Variants in SPIDR observed in about 807,000 individuals in gnomAD.
SPIDR encodes scaffold protein involved in DNA repair, also known as DNA repair-scaffolding protein.
In SPIDR, 93 loss-of-function variants were observed where a neutral mutation model predicts 104.6. The ratio of observed to expected loss-of-function variants is 0.89; its 90% CI spans 0.75 to 1.06. The LOEUF (loss-of-function observed/expected upper bound fraction) is 1.06, where lower values mean the gene tolerates loss of function less well. Among genes scored for constraint, SPIDR ranks in the 50% least tolerant of loss-of-function variants. The probability of loss-of-function intolerance (pLI) is 0.00; values close to 1 mark genes in which losing one functional copy is unlikely to be tolerated. For synonymous variants in SPIDR, 431 were observed against 416.9 expected (o/e 1.03, Z -0.41); for missense variants, 1,154 against 1,111.2 (o/e 1.04, Z -0.55).
chr8:47,374,111 G>A (rs1472857188), intron 5 of SPIDR, among the ~76,000 whole-genome samples: 1 of 152,184 alleles, frequency 6.6e-6, no homozygotes, highest in Non-Finnish European at 1.5e-5. Context: ...TTAAAAGCTA[G>A]GATTAGGGAC....
At chr8:47,436,933 G>C (rs1470557453) in intron 7 of SPIDR, among the ~76,000 whole-genome samples, 1 of 152,080 alleles carries the variant, frequency 6.6e-6, no homozygotes, top group African/African-American at 2.4e-5. Flanking sequence ...TGGGAGCGCC[G>C]CTCAGTATTG....
intron 10 of SPIDR, among the ~76,000 whole-genome samples, chr8:47,647,987 G>C (rs988803949): frequency 6.6e-6 from 1 of 152,200 alleles, no homozygotes; most frequent in Non-Finnish European, 1.5e-5. Context: ...TTGGGACTCT[G>C]ATCGTGAGGA....
intron 8 of SPIDR, among the ~76,000 whole-genome samples, chr8:47,497,604 A>T (rs2079640466): frequency 6.6e-6 from 1 of 152,166 alleles, no homozygotes; most frequent in Admixed American, 6.5e-5. Flanking sequence ...TTTACTGAGC[A>T]TATGGTCTGT....
chr8:47,643,331 TC>T (rs1250314707), intron 10 of SPIDR, among the ~76,000 whole-genome samples: 2 of 152,158 alleles, frequency 1.3e-5, no homozygotes. Context: ...AACTGCAACT[TC>T]TATTTTATTT....
chr8:47,353,368 T>C (rs1316790326), intron 5 of SPIDR, among the ~76,000 whole-genome samples: 2 of 152,200 alleles, frequency 1.3e-5, no homozygotes, highest in Non-Finnish European at 2.9e-5. Flanking sequence ...AGTGCTGAAC[T>C]GTGGCCTAGA....
intron 5 of SPIDR, among the ~76,000 whole-genome samples, chr8:47,310,011 C>T (rs587700073): frequency 1.5e-4 from 23 of 148,692 alleles, no homozygotes; most frequent in Non-Finnish European, 3.3e-4. Flanking sequence ...TGCACTCCAG[C>T]CTGGGCGACA....
At chr8:47,461,007 G>C (rs1193748965) in intron 8 of SPIDR, among the ~76,000 whole-genome samples, 1 of 152,182 alleles carries the variant, frequency 6.6e-6, no homozygotes, top group East Asian at 1.9e-4. Flanking sequence ...CTAACTTGTA[G>C]GGTGTCTGCT....
At chr8:47,627,894 C>G (rs879543386) in intron 10 of SPIDR, among the ~76,000 whole-genome samples, 2 of 152,178 alleles carry the variant, frequency 1.3e-5, no homozygotes, top group Non-Finnish European at 2.9e-5. Context: ...AGCAGCGGAC[C>G]AGCTGGAACT....
intron 8 of SPIDR, among the ~76,000 whole-genome samples, chr8:47,580,153 G>T (rs1249882709): frequency 6.6e-6 from 1 of 152,200 alleles, no homozygotes; most frequent in East Asian, 1.9e-4. Flanking sequence ...TGTAAATGTT[G>T]TGTATATGAG....
intron 8 of SPIDR, among the ~76,000 whole-genome samples, chr8:47,543,283 A>G (rs932936098): frequency 1.3e-5 from 2 of 152,172 alleles, no homozygotes; most frequent in Admixed American, 1.3e-4. Flanking sequence ...TTACATTGCC[A>G]CGAGTAATGT....
chr8:47,617,542 A>G (rs2154433615), intron 10 of SPIDR, among the ~76,000 whole-genome samples: 1 of 152,326 alleles, frequency 6.6e-6, no homozygotes, highest in East Asian at 1.9e-4. Flanking sequence ...CAAAAGATGC[A>G]GCATCACCCT....
chr8:47,272,117 G>A (rs988655462), intron 1 of SPIDR, among the ~76,000 whole-genome samples: 7 of 152,050 alleles, frequency 4.6e-5, no homozygotes, highest in Admixed American at 1.3e-4. Flanking sequence ...ACAGGTGCGC[G>A]CCACCACACC....
chr8:47,644,543 A>G (rs182458805), intron 10 of SPIDR, among the ~76,000 whole-genome samples: 123 of 152,336 alleles, frequency 8.1e-4, no homozygotes, highest in African/African-American at 2.9e-3. Context: ...AAAGTAAATA[A>G]GATCATTTTC....
At chr8:47,584,655 C>T (rs2060079949) in intron 8 of SPIDR, among the ~76,000 whole-genome samples, 1 of 152,240 alleles carries the variant, frequency 6.6e-6, no homozygotes, top group Admixed American at 6.5e-5. Context: ...TAAATACACA[C>T]ATACACTTTA....
At chr8:47,358,057 A>ATTTTATT (rs1225655223) in intron 5 of SPIDR, among the ~76,000 whole-genome samples, 6 of 152,048 alleles carry the variant, frequency 3.9e-5, no homozygotes, top group Non-Finnish European at 4.4e-5. Context: ...TCGGCAGACT[A>ATTTTATT]TTTTATTTTT....
At chr8:47,284,502 A>G (rs978769617) in intron 3 of SPIDR, among the ~76,000 whole-genome samples, 12 of 152,280 alleles carry the variant, frequency 7.9e-5, no homozygotes, top group Admixed American at 5.2e-4. Context: ...TTTCTTGATG[A>G]ATTAGGGAAC....
chr8:47,329,304 C>G (rs943392867), intron 5 of SPIDR, among the ~76,000 whole-genome samples: 1 of 152,182 alleles, frequency 6.6e-6, no homozygotes, highest in East Asian at 1.9e-4. Flanking sequence ...ATCTCCTGAC[C>G]TCATGATCCG....
At chr8:47,513,188 A>G (rs1475549984) in intron 8 of SPIDR, among the ~76,000 whole-genome samples, 1 of 152,246 alleles carries the variant, frequency 6.6e-6, no homozygotes, top group African/African-American at 2.4e-5. Flanking sequence ...TTTTCTCAAA[A>G]TATTTACACT....
chr8:47,307,601 C>T (rs1554582176), intron 5 of SPIDR, among the ~76,000 whole-genome samples: 1 of 140,222 alleles, frequency 7.1e-6, no homozygotes. Flanking sequence ...TGCAGTGGCA[C>T]AGTCTCAACT....
Sources: gnomAD v4.1 joint callset for allele counts (sites outside exome capture counted in the v4.1 genomes callset) on GRCh38, gnomAD v4.1.1 for gene constraint, MANE v1.5 for transcripts, NCBI Gene and HGNC (gene_info 2026-07-23, HGNC 2026-07-21) for gene names.